The following ST6GALNAC5 variants were observed in gnomAD, a reference collection of about 807,000 sequenced individuals.
The protein encoded by ST6GALNAC5 is alpha-N-acetylgalactosaminide alpha-2,6-sialyltransferase 5.
ST6GALNAC5 carries 27 observed loss-of-function variants against 33.6 expected under a neutral mutation model. That is an observed-to-expected ratio of 0.80 (90% confidence interval 0.59 to 1.11). ST6GALNAC5 has a LOEUF of 1.11. Ranked by LOEUF, ST6GALNAC5 falls within the 50% of genes least tolerant of loss-of-function variation. The pLI is 0.00. For missense variants in ST6GALNAC5, 428 were observed against 454.0 expected (o/e 0.94, Z 0.52); for synonymous variants, 194 against 171.2 (o/e 1.13, Z -1.04).
chr1:76,947,653 G>A (rs1254221869), intron 2 of ST6GALNAC5, among the ~76,000 whole-genome samples: 1 of 152,082 alleles, frequency 6.6e-6, no homozygotes, highest in African/African-American at 2.4e-5. Flanking sequence ...CACTGAGTGG[G>A]GAGGATTGCT....
intron 2 of ST6GALNAC5, among the ~76,000 whole-genome samples, chr1:76,895,970 C>T (rs894730326): frequency 6.6e-6 from 1 of 152,158 alleles, no homozygotes; most frequent in African/African-American, 2.4e-5. Context: ...AAGTTGGTGG[C>T]TGAGCTTGGT....
intron 4 of ST6GALNAC5, among the ~76,000 whole-genome samples, chr1:77,058,574 C>A (rs1488736046): frequency 6.6e-6 from 1 of 152,204 alleles, no homozygotes; most frequent in Non-Finnish European, 1.5e-5. Context: ...CAGCCTGGGG[C>A]TCTCCCCAGA....
intron 2 of ST6GALNAC5, among the ~76,000 whole-genome samples, chr1:77,036,100 AC>A (rs1331587405): frequency 2.0e-5 from 3 of 152,250 alleles, no homozygotes; most frequent in Non-Finnish European, 4.4e-5. Context: ...GTGTATATGT[AC>A]AAGATGACGC....
chr1:76,902,298 A>G (rs946729308), intron 2 of ST6GALNAC5, among the ~76,000 whole-genome samples: 7 of 152,184 alleles, frequency 4.6e-5, no homozygotes, highest in African/African-American at 1.7e-4. Context: ...ATATTTAAGA[A>G]TAACTATAAC....
chr1:77,051,623 G>C (rs942236446), intron 4 of ST6GALNAC5, among the ~76,000 whole-genome samples: 10 of 152,212 alleles, frequency 6.6e-5, no homozygotes, highest in Admixed American at 5.9e-4. Flanking sequence ...ACAGTGCCTA[G>C]TAAGTACATG....
chr1:77,060,151 A>C (rs907711107), intron 4 of ST6GALNAC5: 8 of 152,158 alleles, frequency 5.3e-5, no homozygotes, highest in African/African-American at 1.9e-4. Flanking sequence ...GCTTGTTCTC[A>C]AACTGGCTGT....
chr1:76,951,133 T>C (rs1647725794), intron 2 of ST6GALNAC5, among the ~76,000 whole-genome samples: 1 of 152,092 alleles, frequency 6.6e-6, no homozygotes, highest in Non-Finnish European at 1.5e-5. Flanking sequence ...ACAGTTGTAA[T>C]AGGCCATTGA....
intron 2 of ST6GALNAC5, among the ~76,000 whole-genome samples, chr1:76,909,435 A>G (rs1646891835): frequency 6.6e-6 from 1 of 152,126 alleles, no homozygotes; most frequent in Non-Finnish European, 1.5e-5. Flanking sequence ...TAATGTAAAT[A>G]AGGAACTCAG....
chr1:77,047,355 G>A (rs192810733), intron 3 of ST6GALNAC5, among the ~76,000 whole-genome samples: 3 of 152,310 alleles, frequency 2.0e-5, no homozygotes, highest in Admixed American at 6.5e-5. Context: ...AACATTTAGG[G>A]TGTAATGGTA....
At chr1:76,877,663 A>G (rs1653677654) in intron 2 of ST6GALNAC5, among the ~76,000 whole-genome samples, 1 of 152,234 alleles carries the variant, frequency 6.6e-6, no homozygotes, top group East Asian at 1.9e-4. Flanking sequence ...CTCACCAATA[A>G]GTCCAGTGTG....
chr1:76,871,578 C>T (rs1570625298), intron 2 of ST6GALNAC5, among the ~76,000 whole-genome samples: 1 of 152,062 alleles, frequency 6.6e-6, no homozygotes, highest in East Asian at 1.9e-4. Flanking sequence ...CAATGATGGT[C>T]TTGTCTCATA....
At chr1:76,911,368 C>T (rs534932612) in intron 2 of ST6GALNAC5, among the ~76,000 whole-genome samples, 196 of 152,178 alleles carry the variant, frequency 1.3e-3, no homozygotes, top group African/African-American at 4.6e-3. Context: ...AGGATTTTTG[C>T]ATCAATGTTC....
chr1:77,037,672 T>C (rs1645138363), intron 2 of ST6GALNAC5, among the ~76,000 whole-genome samples: 1 of 151,826 alleles, frequency 6.6e-6, no homozygotes. Context: ...TTGATTTACA[T>C]ATTAAAGGGG....
chr1:76,880,365 C>G (rs1457334114), intron 2 of ST6GALNAC5, among the ~76,000 whole-genome samples: 1 of 152,144 alleles, frequency 6.6e-6, no homozygotes, highest in Non-Finnish European at 1.5e-5. Context: ...AAAAGAACTC[C>G]ATCCTTAATA....
intron 1 of ST6GALNAC5, 101 bp downstream of exon 1, chr1:76,867,791 C>G: frequency 6.5e-7 from 1 of 1,548,984 alleles, no homozygotes; most frequent in Non-Finnish European, 8.9e-7. Context: ...AACCCTGGGC[C>G]GCGAGGTCGC....
chr1:76,955,851 G>T (rs1647935983), intron 2 of ST6GALNAC5, among the ~76,000 whole-genome samples: 1 of 152,162 alleles, frequency 6.6e-6, no homozygotes, highest in Non-Finnish European at 1.5e-5. Flanking sequence ...GGCTGCCTGG[G>T]CAGGGAAGGA....
In ST6GALNAC5 at chr1:77,066,097, G is replaced by A. The variant is rs1409769829; in HGVS notation, c.*2891G>A. ...GAGGTAAATATTCAGCATGCTGCATGGAGACTTAGCTGTGTGATTTCCATT... is the reference window on the plus strand; with the variant it reads ...GAGGTAAATATTCAGCATGCTGCATAGAGACTTAGCTGTGTGATTTCCATT... On this transcript the variant is annotated 3_prime_UTR_variant, in exon 5 of 5. Coordinates refer to ENST00000477717, the MANE Select transcript of ST6GALNAC5 (RefSeq NM_030965.3). Among the ~76,000 whole-genome samples, 1 of 152,146 alleles carries A rather than the reference G, an allele frequency of 6.6e-6. No homozygotes were observed. Among genetic ancestry groups the A allele is most frequent in the African/African-American group, 2.4e-5 (1 of 41,422 alleles).
intron 2 of ST6GALNAC5, among the ~76,000 whole-genome samples, chr1:76,954,471 C>G (rs578012649): frequency 3.9e-5 from 6 of 152,042 alleles, no homozygotes; most frequent in Non-Finnish European, 8.8e-5. Flanking sequence ...AGCAAACCAC[C>G]ATGGCACACG....
chr1:76,930,482 G>T (rs575085207), intron 2 of ST6GALNAC5, among the ~76,000 whole-genome samples: 97 of 152,112 alleles, frequency 6.4e-4, no homozygotes, highest in Non-Finnish European at 1.1e-3. Flanking sequence ...CATTTTTGAT[G>T]GTTTATTAGT....
Sources: allele counts gnomAD v4.1 joint callset (sites outside exome capture counted in the v4.1 genomes callset), GRCh38; gene constraint gnomAD v4.1.1; transcripts MANE v1.5; gene names NCBI Gene and HGNC (gene_info 2026-07-23, HGNC 2026-07-21).